RBFOX1: variants seen among roughly 807,000 people sequenced by gnomAD.
RBFOX1 encodes RNA binding fox-1 homolog 1.
A neutral mutation model predicts 57.7 loss-of-function variants in RBFOX1; 8 were observed. The ratio of observed to expected loss-of-function variants is 0.14; its 90% CI spans 0.08 to 0.25. The LOEUF is 0.25. Ranked by LOEUF, RBFOX1 falls within the 10% of genes least tolerant of loss-of-function variation. The probability of loss-of-function intolerance (pLI) is 1.00; values close to 1 mark genes in which losing one functional copy is unlikely to be tolerated. For synonymous variants in RBFOX1, 326 were observed against 222.4 expected (o/e 1.47, Z -4.15); for missense variants, 611 against 548.5 (o/e 1.11, Z -1.14).
At chr16:7,578,890 A>C (rs781176084) in intron 5 of RBFOX1, among the ~76,000 whole-genome samples, 3 of 152,202 alleles carry the variant, frequency 2.0e-5, no homozygotes, top group Admixed American at 6.5e-5. Context: ...GTTCCTGCCA[A>C]ATATGTGGGT....
At chr16:7,235,872 T>C (rs1205238802) in intron 4 of RBFOX1, among the ~76,000 whole-genome samples, 2 of 152,234 alleles carry the variant, frequency 1.3e-5, no homozygotes, top group Non-Finnish European at 2.9e-5. Flanking sequence ...TGAAGCAGTG[T>C]GGATCCATAT....
At chr16:6,520,636 G>C (rs2153800795) in intron 2 of RBFOX1, among the ~76,000 whole-genome samples, 2 of 152,264 alleles carry the variant, frequency 1.3e-5, no homozygotes, top group South Asian at 4.1e-4. Context: ...GAGGGCTGAA[G>C]ACTATCTTTG....
intron 3 of RBFOX1, among the ~76,000 whole-genome samples, chr16:6,979,232 T>C (rs2087959926): frequency 6.6e-6 from 1 of 151,976 alleles, no homozygotes. Context: ...CTGTAAGAGG[T>C]GAATAAGAGA....
At chr16:7,593,369 CT>C (rs771337476) in intron 7 of RBFOX1, among the ~76,000 whole-genome samples, 7 of 152,152 alleles carry the variant, frequency 4.6e-5, no homozygotes, top group Admixed American at 1.3e-4. Flanking sequence ...CCTAAATTCT[CT>C]CTTTTTTCCC....
At chr16:5,697,529 T>C (rs1043254430) in intron 3 of RBFOX1, among the ~76,000 whole-genome samples, 7 of 117,594 alleles carry the variant, frequency 6.0e-5, no homozygotes, top group African/African-American at 1.9e-4. Flanking sequence ...TCTTTTCTTT[T>C]CTATTCTTTT....
At chr16:5,679,890 T>G (rs2050278092) in intron 3 of RBFOX1, among the ~76,000 whole-genome samples, 2 of 152,300 alleles carry the variant, frequency 1.3e-5, no homozygotes, top group South Asian at 4.1e-4. Flanking sequence ...GAGCAAAATG[T>G]TTAGTCTGGT....
At chr16:5,564,466 A>AT (rs1350024727) in intron 2 of RBFOX1, among the ~76,000 whole-genome samples, 2 of 151,860 alleles carry the variant, frequency 1.3e-5, no homozygotes, top group Non-Finnish European at 2.9e-5. Flanking sequence ...CCATTCATTT[A>AT]TTTTTTTGGT....
At chr16:7,654,370 C>A (rs1475797730) in intron 12 of RBFOX1, among the ~76,000 whole-genome samples, 3 of 152,142 alleles carry the variant, frequency 2.0e-5, no homozygotes, top group Non-Finnish European at 4.4e-5. Flanking sequence ...TCTTGCTCGC[C>A]TCCCCAGGGA....
intron 4 of RBFOX1, chr16:7,126,352 G>GT: frequency 3.8e-6 from 1 of 262,340 alleles, no homozygotes; most frequent in Non-Finnish European, 7.5e-6. Context: ...CGAGGTGGGG[G>GT]TTTTTGGTCC....
At chr16:6,295,703 G>T (rs948381203) in intron 1 of RBFOX1, among the ~76,000 whole-genome samples, 13 of 152,198 alleles carry the variant, frequency 8.5e-5, no homozygotes, top group East Asian at 1.9e-4. Flanking sequence ...GATGCTGAAG[G>T]TACCATTACC....
chr16:5,834,566 A>C (rs894903327), intron 3 of RBFOX1, among the ~76,000 whole-genome samples: 3 of 149,986 alleles, frequency 2.0e-5, no homozygotes, highest in African/African-American at 7.4e-5. Context: ...TAAATATAGA[A>C]GTGCATGTGT....
chr16:5,361,156 C>A (rs1226465941), intron 1 of RBFOX1, among the ~76,000 whole-genome samples: 1 of 152,278 alleles, frequency 6.6e-6, no homozygotes, highest in East Asian at 1.9e-4. Context: ...AAAGGCAAAG[C>A]TGGGATTTGA....
At chr16:7,375,305 G>C (rs1412509341) in intron 4 of RBFOX1, among the ~76,000 whole-genome samples, 2 of 152,132 alleles carry the variant, frequency 1.3e-5, no homozygotes, top group African/African-American at 2.4e-5. Context: ...CATCTTATTA[G>C]TCTCAAGGTA....
chr16:5,809,679 G>T (rs538136138), intron 3 of RBFOX1, among the ~76,000 whole-genome samples: 1 of 152,274 alleles, frequency 6.6e-6, no homozygotes, highest in East Asian at 1.9e-4. Flanking sequence ...GAAACAACAG[G>T]TGCTGGAGAG....
At chr16:6,039,527 C>T (rs1363866183) in intron 1 of RBFOX1, among the ~76,000 whole-genome samples, 8 of 151,860 alleles carry the variant, frequency 5.3e-5, no homozygotes, top group Non-Finnish European at 1.2e-4. Context: ...GATTTTTTTC[C>T]CCTCTCATTT....
chr16:7,048,662 C>G (rs62016269), intron 3 of RBFOX1, among the ~76,000 whole-genome samples: 2,218 of 151,994 alleles, frequency 0.015, 32 homozygotes, highest in Non-Finnish European at 0.025. Flanking sequence ...CGTTTTATAA[C>G]AGCTGCTTTA....
chr16:5,526,409 C>A (rs542814973), intron 2 of RBFOX1, among the ~76,000 whole-genome samples: 19 of 152,286 alleles, frequency 1.2e-4, no homozygotes, highest in Admixed American at 1.2e-3. Flanking sequence ...ATGCTTCAGC[C>A]TCCCAAGTAG....
intron 4 of RBFOX1, among the ~76,000 whole-genome samples, chr16:5,977,918 G>A (rs1176640531): frequency 6.6e-6 from 1 of 151,750 alleles, no homozygotes; most frequent in Non-Finnish European, 1.5e-5. Context: ...TTTATTCCCT[G>A]CTAAAATCGA....
At chr16:6,726,676 C>T (rs1387865959) in intron 3 of RBFOX1, among the ~76,000 whole-genome samples, 1 of 152,156 alleles carries the variant, frequency 6.6e-6, no homozygotes, top group Non-Finnish European at 1.5e-5. Context: ...TGCTGATCAG[C>T]GTCTGGACTG....
Sources: gnomAD v4.1 joint callset for allele counts (sites outside exome capture counted in the v4.1 genomes callset) on GRCh38, gnomAD v4.1.1 for gene constraint, MANE v1.5 for transcripts, NCBI Gene and HGNC (gene_info 2026-07-23, HGNC 2026-07-21) for gene names.